HBS1L: variants seen among roughly 807,000 people sequenced by gnomAD.
The protein encoded by HBS1L is HBS1 like translational GTPase, also known as HBS1-like protein.
A neutral mutation model predicts 88.9 loss-of-function variants in HBS1L; 55 were observed. That is an observed-to-expected ratio of 0.62 (90% confidence interval 0.50 to 0.77). HBS1L has a LOEUF of 0.77. Among genes scored for constraint, HBS1L ranks in the 30% least tolerant of loss-of-function variants. The pLI is 0.00. For synonymous variants in HBS1L, 267 were observed against 288.5 expected (o/e 0.93, Z 0.76); for missense variants, 741 against 829.3 (o/e 0.89, Z 1.31).
chr6:135,037,691 T>C (rs753106252), intron 4 of HBS1L: 1 of 1,551,030 alleles, frequency 6.4e-7, no homozygotes, highest in South Asian at 1.2e-5. Context: ...TCTAGGTTCT[T>C]TGAAAGCAGA....
intron 15 of HBS1L, among the ~76,000 whole-genome samples, chr6:134,970,248 T>A (rs567930592): frequency 2.8e-4 from 42 of 152,302 alleles, no homozygotes; most frequent in African/African-American, 9.4e-4. Flanking sequence ...TTCTCCTGCC[T>A]CAGCCCTTAC....
chr6:135,023,156 C>G (rs1776121872), intron 4 of HBS1L, among the ~76,000 whole-genome samples: 1 of 151,786 alleles, frequency 6.6e-6, no homozygotes, highest in Non-Finnish European at 1.5e-5. Flanking sequence ...CATTAAGAAC[C>G]AAAAGTGGCC....
intron 15 of HBS1L, among the ~76,000 whole-genome samples, chr6:134,974,880 T>C (rs1774598316): frequency 6.6e-6 from 1 of 152,140 alleles, no homozygotes. Flanking sequence ...TCATCACTTC[T>C]ATTAAACACA....
chr6:135,000,149 C>T (rs559979709), intron 5 of HBS1L, among the ~76,000 whole-genome samples: 3 of 151,786 alleles, frequency 2.0e-5, no homozygotes, highest in Non-Finnish European at 4.4e-5. Flanking sequence ...GTCTTGGCCT[C>T]CCAGGTTCAA....
At chr6:135,043,272 A>C (rs980687378) in intron 2 of HBS1L, among the ~76,000 whole-genome samples, 1 of 152,242 alleles carries the variant, frequency 6.6e-6, no homozygotes, top group South Asian at 2.1e-4. Context: ...GAAGGACAGA[A>C]ATATAGATAT....
chr6:135,013,751 T>A lies in HBS1L; in HGVS notation c.431-10909A>T, dbSNP rs566907683. Among the ~76,000 whole-genome samples the A allele has an allele frequency of 6.6e-5, 10 of 152,330 alleles. 1 individual carries two copies. The highest frequency in any genetic ancestry group is 2.4e-4 in the African/African-American group (10 of 41,580). The stretch of plus-strand genomic sequence containing the variant: ...AAAAGATATTACAGTCAGACCTTCA[T>A]ATCCTTGGGTTCTGCATCCATGGAT... On this transcript the variant is annotated intron_variant, in intron 4 of 17. Transcript: ENST00000367837.
intron 5 of HBS1L, among the ~76,000 whole-genome samples, chr6:135,001,941 A>G (rs1462756644): frequency 6.6e-6 from 1 of 151,574 alleles, no homozygotes; most frequent in Non-Finnish European, 1.5e-5. Context: ...ACTTGGGAAA[A>G]GAGGAAAAAA....
In HBS1L at chr6:134,982,558, T is replaced by C. The variant is rs761554940; in HGVS notation, c.1497A>G (p.Gln499=). The C allele has an allele frequency of 2.5e-6, 4 of 1,592,738 alleles. No individual in the cohort carries two copies. The South Asian group carries it at 3.3e-5, about 13-fold the overall frequency. The part of the protein sequence containing the change: ...RLCVSDVFKD[Q]GSGFCITGKI... ...TACCAGTTATGCAAAATCCAGATCC[T>C]TGATCTGCAAAACATACCAAAATCT... is the stretch of plus-strand genomic sequence containing the variant. The change falls in exon 13 of 18, where the codon CAA becomes CAG. Residue 499 remains glutamine (Q), a synonymous_variant. Coordinates refer to ENST00000367837, the MANE Select transcript of HBS1L (RefSeq NM_006620.4).
rs185352170 is a variant in HBS1L at position 134,962,766 on chromosome 6, T to C, written c.*2513A>G. 1 of 152,234 alleles carries C rather than the reference T, an allele frequency of 6.6e-6. No individual in the cohort carries two copies. Among genetic ancestry groups the C allele is most frequent in the African/African-American group, 2.4e-5 (1 of 41,546 alleles). The allele number at this position is 152,234 out of a possible 1,614,324, so 9.4% of individuals were successfully genotyped here. A position where few individuals can be genotyped will look rare whatever the true frequency, so the allele number is the denominator to read the frequency against. ...AGGACAAGAAATACCTGAAGCAAAA[T>C]GACACAAAATGGATGTACTATAAAT... On this transcript the variant is annotated 3_prime_UTR_variant, in exon 18 of 18. Transcript: ENST00000367837.
intron 13 of HBS1L, among the ~76,000 whole-genome samples, chr6:134,980,751 T>C (rs1051489375): frequency 1.7e-5 from 2 of 118,474 alleles, no homozygotes; most frequent in Non-Finnish European, 3.8e-5. Context: ...GATATGTTAA[T>C]AAAGTAAAAA....
Position 135,003,922 on chromosome 6 carries a change from A to C in HBS1L, c.431-1080T>G, listed in dbSNP as rs142511791. ...TAAAAATGGAGGGATGGAGGAGAAT[A>C]AATTATGAGCTAGATCAAAGTAAGA... On this transcript the variant is annotated intron_variant, in intron 4 of 17. Coordinates refer to ENST00000367837, the MANE Select transcript of HBS1L (RefSeq NM_006620.4). Among the ~76,000 whole-genome samples, 1,330 of 152,300 alleles carry C rather than the reference A, an allele frequency of 8.7e-3. 19 individuals are homozygous for C. Among genetic ancestry groups the C allele is most frequent in the African/African-American group, 0.028 (1,158 of 41,572 alleles).
chr6:135,047,382 A>T (rs1443265806), intron 2 of HBS1L, among the ~76,000 whole-genome samples: 2 of 152,216 alleles, frequency 1.3e-5, no homozygotes, highest in East Asian at 3.8e-4. Flanking sequence ...ACCAACTTCC[A>T]AGTCCTGCAG....
intron 4 of HBS1L, among the ~76,000 whole-genome samples, chr6:135,009,797 CT>C (rs752994584): frequency 1.1e-3 from 137 of 120,740 alleles, no homozygotes; most frequent in Non-Finnish European, 1.2e-3. Context: ...CTGCGCCCAG[CT>C]AATTTTTTTT....
chr6:135,018,808 G>C (rs910243539), intron 4 of HBS1L, among the ~76,000 whole-genome samples: 1 of 151,632 alleles, frequency 6.6e-6, no homozygotes. Context: ...CAAATACATT[G>C]GTGTTTTTTT....
intron 2 of HBS1L, among the ~76,000 whole-genome samples, chr6:135,049,912 A>G (rs1233515720): frequency 2.0e-5 from 3 of 152,236 alleles, no homozygotes; most frequent in Non-Finnish European, 4.4e-5. Context: ...TAACCTGTGT[A>G]GACAGTAGGC....
chr6:135,053,242 T>C (rs944022668), intron 1 of HBS1L, among the ~76,000 whole-genome samples: 2 of 152,158 alleles, frequency 1.3e-5, no homozygotes, highest in Non-Finnish European at 2.9e-5. Flanking sequence ...CATCTGTGTA[T>C]CCCTCCCATA....
At chr6:135,021,326 A>G (rs1776065177) in intron 4 of HBS1L, among the ~76,000 whole-genome samples, 1 of 152,100 alleles carries the variant, frequency 6.6e-6, no homozygotes, top group African/African-American at 2.4e-5. Flanking sequence ...GGTTCTCAAT[A>G]AACAATATTA....
At chr6:134,980,253 G>A (rs548106093) in intron 13 of HBS1L, among the ~76,000 whole-genome samples, 1 of 151,952 alleles carries the variant, frequency 6.6e-6, no homozygotes, top group South Asian at 2.1e-4. Flanking sequence ...TGACTTTTAG[G>A]GAGCTCAAGG....
chr6:134,982,178 T>C (rs543815572), intron 13 of HBS1L: 45 of 323,164 alleles, frequency 1.4e-4, no homozygotes, highest in East Asian at 1.0e-3. Context: ...TATCTATACA[T>C]ATCTGATTAA....
Sources: gnomAD v4.1 joint callset for allele counts (sites outside exome capture counted in the v4.1 genomes callset) on GRCh38, gnomAD v4.1.1 for gene constraint, MANE v1.5 for transcripts, NCBI Gene and HGNC (gene_info 2026-07-23, HGNC 2026-07-21) for gene names.